The following OTUD7A variants were observed in gnomAD, a reference collection of about 807,000 sequenced individuals.
OTUD7A encodes the protein OTU domain-containing protein 7A.
In OTUD7A, 12 loss-of-function variants were observed where a neutral mutation model predicts 65.7. The observed-to-expected ratio is 0.18, with a 90% CI of 0.12 to 0.30. The LOEUF is 0.30. Ranked by LOEUF, OTUD7A falls within the 10% of genes least tolerant of loss-of-function variation. OTUD7A has a pLI of 1.00. For synonymous variants in OTUD7A, 641 were observed against 586.3 expected, an observed-to-expected ratio of 1.09 and a Z score of -1.35; for missense variants, 1,148 against 1,304.8, an observed-to-expected ratio of 0.88 and a Z score of 1.85.
intron 1 of OTUD7A, among the ~76,000 whole-genome samples, chr15:31,704,608 T>G (rs1224716290): frequency 2.0e-5 from 3 of 151,222 alleles, no homozygotes; most frequent in African/African-American, 7.3e-5. Context: ...CAGAGCTACT[T>G]TAATTAAAGA....
At chr15:31,736,028 T>C (rs556592564) in intron 1 of OTUD7A, among the ~76,000 whole-genome samples, 11 of 151,920 alleles carry the variant, frequency 7.2e-5, no homozygotes, top group African/African-American at 2.2e-4. Context: ...CATGGACACA[T>C]AGAGGGGAAC....
intron 3 of OTUD7A, among the ~76,000 whole-genome samples, chr15:31,633,875 C>T (rs1039614727): frequency 2.0e-5 from 3 of 152,206 alleles, no homozygotes; most frequent in African/African-American, 4.8e-5. Flanking sequence ...CCTAGTCCAG[C>T]GTGCTGCCCT....
intron 10 of OTUD7A, among the ~76,000 whole-genome samples, chr15:31,493,464 GA>G (rs1393538227): frequency 6.6e-6 from 1 of 152,224 alleles, no homozygotes; most frequent in Non-Finnish European, 1.5e-5. Context: ...CTCAGTAACT[GA>G]CAGAGCAAGT....
chr15:31,583,715 T>C (rs1027514979), intron 3 of OTUD7A, among the ~76,000 whole-genome samples: 6 of 151,986 alleles, frequency 3.9e-5, no homozygotes, highest in African/African-American at 1.5e-4. Flanking sequence ...ATTAAACTTC[T>C]TTTTCTTTAT....
intron 1 of OTUD7A, among the ~76,000 whole-genome samples, chr15:31,853,741 A>T (rs553373885): frequency 6.6e-5 from 10 of 152,218 alleles, no homozygotes; most frequent in Non-Finnish European, 1.5e-4. Context: ...GCCTTAGACA[A>T]AGGGAATTCA....
chr15:31,719,616 T>A (rs1476839055), intron 1 of OTUD7A, among the ~76,000 whole-genome samples: 2 of 152,132 alleles, frequency 1.3e-5, no homozygotes, highest in Non-Finnish European at 2.9e-5. Flanking sequence ...TGCAGCTCTC[T>A]CCTTGCCAGC....
intron 5 of OTUD7A, among the ~76,000 whole-genome samples, chr15:31,539,504 AAGAG>A (rs1302486522): frequency 6.6e-6 from 1 of 152,176 alleles, no homozygotes; most frequent in Non-Finnish European, 1.5e-5. Flanking sequence ...AAAACAAAAG[AAGAG>A]AGAATGTTTT....
intron 1 of OTUD7A, among the ~76,000 whole-genome samples, chr15:31,672,518 A>C (rs891545878): frequency 6.6e-5 from 10 of 152,172 alleles, no homozygotes; most frequent in African/African-American, 2.4e-4. Context: ...TTTAAGGGTG[A>C]GTTAACTCTC....
At position 31,511,736 on chromosome 15, in the gene OTUD7A, CACATATATATGTATATCTATATGTAACAT is replaced by C. The variant is rs1566893943; in HGVS notation, c.894-7947_894-7919del. 4.4e-3 allele frequency among the ~76,000 whole-genome samples: 173 copies of C among 39,406 alleles called. 4 individuals are homozygous for C. The highest frequency in any genetic ancestry group is 0.025 in the Middle Eastern group (2 of 80). 25.9% of individuals were successfully genotyped at this position (39,406 alleles called of 152,430 possible). A position where few individuals can be genotyped will look rare whatever the true frequency, so the allele number is the denominator to read the frequency against. On this transcript the variant is annotated intron_variant, in intron 8 of 12. Coordinates refer to ENST00000307050, the MANE Select transcript of OTUD7A (RefSeq NM_001382637.1). Reference sequence around the variant, plus strand: ...TATATATGTATATCTATATGTAACACACATATATATGTATATCTATATGTAACATACATATATATGTATATATATTTTAC... The same window carrying C: ...TATATATGTATATCTATATGTAACACACATATATATGTATATATATTTTAC...
At chr15:31,610,623 T>A (rs1322851653) in intron 3 of OTUD7A, among the ~76,000 whole-genome samples, 27 of 81,780 alleles carry the variant, frequency 3.3e-4, no homozygotes, top group Middle Eastern at 5.4e-3. Context: ...ATATATTTTT[T>A]TTTTTTTTTT....
chr15:31,658,271 T>C (rs1448902376), intron 1 of OTUD7A, among the ~76,000 whole-genome samples: 5 of 152,124 alleles, frequency 3.3e-5, no homozygotes, highest in Non-Finnish European at 7.3e-5. Context: ...ATGAATGAAC[T>C]CTCAACAGGG....
intron 1 of OTUD7A, among the ~76,000 whole-genome samples, chr15:31,709,664 A>T (rs1416957516): frequency 2.0e-5 from 3 of 151,412 alleles, no homozygotes; most frequent in Admixed American, 2.0e-4. Context: ...AGAGCACAGG[A>T]GGACACATCA....
At chr15:31,505,453 A>G (rs2141086774) in intron 8 of OTUD7A, among the ~76,000 whole-genome samples, 1 of 152,334 alleles carries the variant, frequency 6.6e-6, no homozygotes, top group African/African-American at 2.4e-5. Context: ...AGGTCTTTGA[A>G]TAAATTTTGC....
At position 31,478,359 on chromosome 15, in the gene OTUD7A, T is replaced by C. The variant is rs2041057446; in HGVS notation, c.*4935A>G. On this transcript the variant is annotated 3_prime_UTR_variant, in exon 13 of 13. Coordinates refer to ENST00000307050, the MANE Select transcript of OTUD7A (RefSeq NM_001382637.1). ...AACTAACAAATTATGTATATATATA[T>C]CCTTGATATGCTCTTTGGGAGGAAT... The C allele has an allele frequency of 6.6e-6, 1 of 152,108 alleles. No homozygotes were observed. The highest frequency in any genetic ancestry group is 2.1e-4 in the South Asian group (1 of 4,818). The allele number at this position is 152,108 out of a possible 1,614,324, so 9.4% of individuals were successfully genotyped here. A position where few individuals can be genotyped will look rare whatever the true frequency, so the allele number is the denominator to read the frequency against.
intron 1 of OTUD7A, among the ~76,000 whole-genome samples, chr15:31,662,436 C>T (rs1892192727): frequency 6.6e-6 from 1 of 152,186 alleles, no homozygotes; most frequent in South Asian, 2.1e-4. Context: ...ATATTTTATG[C>T]ATTTCAATCT....
chr15:31,780,049 A>T (rs1034797600), intron 1 of OTUD7A, among the ~76,000 whole-genome samples: 1 of 152,112 alleles, frequency 6.6e-6, no homozygotes, highest in African/African-American at 2.4e-5. Context: ...AACCAAGAAG[A>T]GAGTGCCTGG....
intron 5 of OTUD7A, among the ~76,000 whole-genome samples, chr15:31,545,315 A>T (rs1020836307): frequency 2.6e-5 from 4 of 152,124 alleles, no homozygotes; most frequent in Admixed American, 2.0e-4. Context: ...TTATAGATTT[A>T]AGTATGAAAG....
At chr15:31,567,095 G>A (rs1448312843) in intron 4 of OTUD7A, among the ~76,000 whole-genome samples, 3 of 152,218 alleles carry the variant, frequency 2.0e-5, no homozygotes, top group East Asian at 1.9e-4. Flanking sequence ...GAAGTCTGGA[G>A]GATTCAGAAG....
At chr15:31,505,413 T>C (rs1358920784) in intron 8 of OTUD7A, among the ~76,000 whole-genome samples, 1 of 152,250 alleles carries the variant, frequency 6.6e-6, no homozygotes, top group Non-Finnish European at 1.5e-5. Context: ...TTTTTTATTA[T>C]GGCTAGCAGA....
Sources: gnomAD v4.1 joint callset for allele counts (sites outside exome capture counted in the v4.1 genomes callset) on GRCh38, gnomAD v4.1.1 for gene constraint, MANE v1.5 for transcripts, NCBI Gene and HGNC (gene_info 2026-07-23, HGNC 2026-07-21) for gene names.